EYS: variants seen among roughly 807,000 people sequenced by gnomAD.
EYS encodes protein eyes shut homolog.
EYS carries 250 observed loss-of-function variants against 282.1 expected under a neutral mutation model. The ratio of observed to expected loss-of-function variants is 0.89; its 90% CI spans 0.80 to 0.98. The LOEUF (loss-of-function observed/expected upper bound fraction) is 0.98. EYS is among the 50% of genes least tolerant of loss of function. The pLI is 0.00. For missense variants in EYS, 4,016 were observed against 3,709.0 expected (o/e 1.08, Z -2.15); for synonymous variants, 1,355 against 1,282.9 (o/e 1.06, Z -1.20).
intron 12 of EYS, among the ~76,000 whole-genome samples, chr6:65,138,637 T>G (rs1776090092): frequency 6.6e-6 from 1 of 151,998 alleles, no homozygotes; most frequent in Admixed American, 6.6e-5. Flanking sequence ...TTCTTTATAC[T>G]TTATATATCC....
intron 28 of EYS, among the ~76,000 whole-genome samples, chr6:64,403,204 G>T (rs138886209): frequency 1.3e-3 from 195 of 151,858 alleles, no homozygotes; most frequent in African/African-American, 4.5e-3. Context: ...AACACCAAGA[G>T]AACTAGGTTA....
chr6:64,429,723 A>G (rs1774519616), intron 28 of EYS, among the ~76,000 whole-genome samples: 1 of 152,210 alleles, frequency 6.6e-6, no homozygotes, highest in African/African-American at 2.4e-5. Context: ...CTCTTTTCCC[A>G]CGTTAAATGA....
chr6:64,422,808 A>AGT (rs1326876807), intron 28 of EYS, among the ~76,000 whole-genome samples: 8 of 152,150 alleles, frequency 5.3e-5, no homozygotes, highest in African/African-American at 1.9e-4. Context: ...TCACCTTACA[A>AGT]GTGTATCTGA....
intron 22 of EYS, among the ~76,000 whole-genome samples, chr6:64,688,284 T>G (rs1482557027): frequency 5.3e-5 from 8 of 152,136 alleles, no homozygotes; most frequent in Admixed American, 4.6e-4. Flanking sequence ...ATGTGTTTGC[T>G]CTTGCTTATC....
chr6:65,645,437 C>A (rs762747941), intron 1 of EYS, among the ~76,000 whole-genome samples: 18 of 152,070 alleles, frequency 1.2e-4, no homozygotes, highest in Non-Finnish European at 2.1e-4. Context: ...GATTGATCAG[C>A]AGTCAACAAT....
In EYS at chr6:64,327,205, C is replaced by A. The variant is rs79356285; in HGVS notation, c.6079-20123G>T. ...CACTGTATACAGCCCATAGGACCAG[C>A]TCCACAGCTGCAGCTAGCTGTGACA... On this transcript the variant is annotated intron_variant, in intron 29 of 42. Transcript: ENST00000503581. Among the ~76,000 whole-genome samples the A allele has an allele frequency of 7.2e-5, 11 of 152,154 alleles. No homozygotes were observed. The East Asian group carries it at 2.1e-3, about 30-fold the overall frequency.
At chr6:63,756,513 C>T (rs1042513400) in intron 41 of EYS, among the ~76,000 whole-genome samples, 15 of 152,078 alleles carry the variant, frequency 9.9e-5, no homozygotes, top group African/African-American at 3.6e-4. Context: ...TGATATGCTC[C>T]TGGATTTAGT....
chr6:64,063,677 T>C (rs1434271571), intron 33 of EYS, among the ~76,000 whole-genome samples: 1 of 152,162 alleles, frequency 6.6e-6, no homozygotes, highest in African/African-American at 2.4e-5. Context: ...ACGCTGTTCT[T>C]TGCGGTCTCT....
At chr6:64,142,458 C>T (rs1317995547) in intron 31 of EYS, among the ~76,000 whole-genome samples, 1 of 151,934 alleles carries the variant, frequency 6.6e-6, no homozygotes. Context: ...ATGGCCAGGT[C>T]AGTGAGAAAT....
intron 26 of EYS, among the ~76,000 whole-genome samples, chr6:64,451,319 A>C (rs543758573): frequency 4.9e-4 from 75 of 152,010 alleles, no homozygotes; most frequent in African/African-American, 1.8e-3. Flanking sequence ...GAAGAAGTTG[A>C]ATCTCTGAAT....
intron 36 of EYS, among the ~76,000 whole-genome samples, chr6:63,839,415 A>T (rs1771891343): frequency 6.6e-6 from 1 of 152,246 alleles, no homozygotes. Flanking sequence ...AAAGATGAAT[A>T]GCATTCCATT....
chr6:64,987,201 T>A (rs191128307), intron 14 of EYS, among the ~76,000 whole-genome samples: 38 of 151,692 alleles, frequency 2.5e-4, no homozygotes, highest in African/African-American at 8.2e-4. Flanking sequence ...TGTTAGCAGA[T>A]GATTTCCGGA....
At chr6:64,098,255 A>G (rs1290099164) in intron 31 of EYS, among the ~76,000 whole-genome samples, 1 of 152,226 alleles carries the variant, frequency 6.6e-6, no homozygotes. Flanking sequence ...TAAGAAAGAC[A>G]AATTTCCATT....
At chr6:65,192,405 T>A (rs1022657135) in intron 12 of EYS, among the ~76,000 whole-genome samples, 8 of 151,630 alleles carry the variant, frequency 5.3e-5, no homozygotes, top group African/African-American at 1.9e-4. Context: ...AAATTTTATA[T>A]CTTTTTCAAG....
chr6:64,624,302 C>T (rs1767534193), intron 23 of EYS, among the ~76,000 whole-genome samples: 4 of 152,032 alleles, frequency 2.6e-5, no homozygotes. Context: ...TGTTTATTAA[C>T]ATGAAACAGA....
chr6:64,104,904 G>T (rs1424123525), intron 31 of EYS, among the ~76,000 whole-genome samples: 1 of 152,002 alleles, frequency 6.6e-6, no homozygotes, highest in African/African-American at 2.4e-5. Flanking sequence ...TTTATAAACT[G>T]TACAAATCGG....
In EYS at chr6:64,016,156, C is replaced by A. The variant is rs551966121; in HGVS notation, c.6726-16973G>T. ...ACTGGAATAACATGTTTCAAAGTGA[C>A]AGAGACCTTCACAGGGGTATGTTTT... On this transcript the variant is annotated intron_variant, in intron 33 of 42. Coordinates refer to ENST00000503581, the MANE Select transcript of EYS (RefSeq NM_001142800.2). Among the ~76,000 whole-genome samples the A allele has an allele frequency of 8.6e-4, 131 of 152,280 alleles. 4 individuals carry two copies. The South Asian group carries it at 0.027, about 32-fold the overall frequency.
intron 26 of EYS, among the ~76,000 whole-genome samples, chr6:64,547,409 G>A (rs929370486): frequency 2.0e-5 from 3 of 152,098 alleles, no homozygotes; most frequent in Non-Finnish European, 4.4e-5. Context: ...AGACACAAAA[G>A]TTATCCACCT....
At chr6:64,360,345 C>T (rs930161925) in intron 29 of EYS, among the ~76,000 whole-genome samples, 1 of 151,646 alleles carries the variant, frequency 6.6e-6, no homozygotes, top group Non-Finnish European at 1.5e-5. Flanking sequence ...TGGAGGGGCA[C>T]GCTACACCCC....
Sources: allele counts gnomAD v4.1 joint callset (sites outside exome capture counted in the v4.1 genomes callset), GRCh38; gene constraint gnomAD v4.1.1; transcripts MANE v1.5; gene names NCBI Gene and HGNC (gene_info 2026-07-23, HGNC 2026-07-21).